Variants in ANK2 observed in about 807,000 individuals in gnomAD.
The protein encoded by ANK2 is ankyrin 2.
In ANK2, 83 loss-of-function variants were observed where a neutral mutation model predicts 360.5. The observed-to-expected ratio is 0.23, with a 90% CI of 0.19 to 0.28. ANK2 has a LOEUF of 0.28. Ranked by LOEUF, ANK2 falls within the 10% of genes least tolerant of loss-of-function variation. The pLI is 1.00. For missense variants in ANK2, 4,201 were observed against 4,795.7 expected (o/e 0.88, Z 3.66); for synonymous variants, 1,740 against 1,759.5 (o/e 0.99, Z 0.28).
chr4:113,003,756 A>G (rs2051682775), intron 2 of ANK2, among the ~76,000 whole-genome samples: 1 of 152,210 alleles, frequency 6.6e-6, no homozygotes, highest in Admixed American at 6.5e-5. Context: ...AAACACAGTC[A>G]TGTGTCGCTT....
At chr4:112,945,442 T>C (rs916913807) in intron 2 of ANK2, among the ~76,000 whole-genome samples, 8 of 152,168 alleles carry the variant, frequency 5.3e-5, no homozygotes, top group African/African-American at 1.9e-4. Context: ...ACATAGTGCC[T>C]CATTACAAAA....
the ANK2 span, among the ~76,000 whole-genome samples, chr4:112,744,017 T>A: frequency 2.6e-5 from 4 of 151,848 alleles, no homozygotes; most frequent in Admixed American, 2.0e-4. Context: ...TTTGTTTTTT[T>A]AGTAGAGATG....
intron 1 of ANK2, among the ~76,000 whole-genome samples, chr4:112,838,428 C>T (rs1029674606): frequency 4.6e-5 from 7 of 152,210 alleles, no homozygotes; most frequent in Non-Finnish European, 1.0e-4. Flanking sequence ...GCTTTTCAGG[C>T]AGTCCCAATC....
intron 6 of ANK2, among the ~76,000 whole-genome samples, 159 bp from the exon 7 acceptor site, chr4:113,237,440 T>A (rs564332569): frequency 3.9e-5 from 6 of 152,228 alleles, no homozygotes. Context: ...ATTTAAAAGA[T>A]AAAATTGTAT....
chr4:112,771,206 G>T, the ANK2 span, among the ~76,000 whole-genome samples: 1 of 152,166 alleles, frequency 6.6e-6, no homozygotes, highest in Non-Finnish European at 1.5e-5. Flanking sequence ...TTCGCCTCCC[G>T]GGTTCAAGCG....
chr4:113,086,705 G>C (rs951940561), intron 1 of ANK2, among the ~76,000 whole-genome samples: 1 of 152,188 alleles, frequency 6.6e-6, no homozygotes, highest in African/African-American at 2.4e-5. Flanking sequence ...GTGATGGGGG[G>C]CTCTTCAAAC....
chr4:113,274,677 G>T, intron 15 of ANK2, 28 bp downstream of exon 15: 1 of 1,610,260 alleles, frequency 6.2e-7, no homozygotes, highest in Non-Finnish European at 8.5e-7. Context: ...ATGAGAACAT[G>T]GACCAAGAGG....
intron 28 of ANK2, chr4:113,332,849 G>A: frequency 9.5e-6 from 6 of 634,276 alleles, no homozygotes; most frequent in South Asian, 9.4e-5. Flanking sequence ...GCTTAAGGTA[G>A]CAGCATGTAC....
chr4:112,842,802 T>G (rs756424399), intron 1 of ANK2, among the ~76,000 whole-genome samples: 14 of 152,242 alleles, frequency 9.2e-5, no homozygotes, highest in Non-Finnish European at 1.9e-4. Context: ...TAGTTTCTTG[T>G]TGCTGCTGTA....
intron 1 of ANK2, among the ~76,000 whole-genome samples, chr4:113,152,960 C>A (rs2154397098): frequency 6.6e-6 from 1 of 152,144 alleles, no homozygotes; most frequent in Non-Finnish European, 1.5e-5. Context: ...TCAATGGTGG[C>A]TTTGAGCTAA....
chr4:113,251,502 A>C (rs1453631069), intron 10 of ANK2, among the ~76,000 whole-genome samples: 1 of 60,318 alleles, frequency 1.7e-5, no homozygotes, highest in African/African-American at 6.7e-5. Context: ...TTTTTTTTTG[A>C]GATGCAGTCT....
the ANK2 span, among the ~76,000 whole-genome samples, chr4:112,738,184 C>G: frequency 1.1e-4 from 16 of 152,026 alleles, no homozygotes; most frequent in African/African-American, 1.9e-4. Flanking sequence ...CCGAGGCGGG[C>G]AGATCACCTG....
chr4:113,187,522 G>A (rs906377918), intron 2 of ANK2, among the ~76,000 whole-genome samples: 1 of 152,184 alleles, frequency 6.6e-6, no homozygotes, highest in Non-Finnish European at 1.5e-5. Context: ...CCAGCTAGCA[G>A]TTTTGCAATA....
chr4:113,269,688 C>T (rs1156501830), intron 14 of ANK2, among the ~76,000 whole-genome samples: 1 of 139,562 alleles, frequency 7.2e-6, no homozygotes, highest in African/African-American at 2.7e-5. Flanking sequence ...GTTGATCTCG[C>T]TGGGATCTGC....
At chr4:112,915,899 G>A (rs2089652369) in intron 2 of ANK2, among the ~76,000 whole-genome samples, 2 of 151,636 alleles carry the variant, frequency 1.3e-5, no homozygotes, top group South Asian at 4.1e-4. Flanking sequence ...TATTATATAA[G>A]TATATACTCA....
chr4:113,145,910 G>C, intron 1 of ANK2: 1 of 1,289,824 alleles, frequency 7.8e-7, no homozygotes, highest in Non-Finnish European at 1.0e-6. Context: ...ATGCGGATAA[G>C]AGCATAAGAG....
the ANK2 span, among the ~76,000 whole-genome samples, chr4:112,791,422 C>CA: frequency 6.7e-6 from 1 of 150,314 alleles, no homozygotes. Flanking sequence ...ACCAAGATCA[C>CA]AAATGTTGGA....
At chr4:112,880,254 C>G (rs1170236759) in intron 1 of ANK2, 1 of 152,152 alleles carries the variant, frequency 6.6e-6, no homozygotes, top group Non-Finnish European at 1.5e-5. Context: ...TGTAATCTCT[C>G]CTTCCCCCTC....
chr4:112,795,563 G>T, the ANK2 span, among the ~76,000 whole-genome samples: 6 of 152,144 alleles, frequency 3.9e-5, no homozygotes, highest in African/African-American at 1.2e-4. Flanking sequence ...GAGTACAGTG[G>T]TGCGATCTCG....
Sources: allele counts gnomAD v4.1 joint callset (sites outside exome capture counted in the v4.1 genomes callset), GRCh38; gene constraint gnomAD v4.1.1; transcripts MANE v1.5; gene names NCBI Gene and HGNC (gene_info 2026-07-23, HGNC 2026-07-21).